The following PCSK5 variants were observed in gnomAD, a reference collection of about 807,000 sequenced individuals.
PCSK5 encodes the protein prohormone convertase 5.
In PCSK5, 129 loss-of-function variants were observed where a neutral mutation model predicts 233.2. The observed-to-expected ratio is 0.55, with a 90% CI of 0.48 to 0.64. PCSK5 has a LOEUF of 0.64. PCSK5 is among the 30% of genes least tolerant of loss of function. The pLI is 0.00. For missense variants in PCSK5, 2,076 were observed against 2,430.1 expected (o/e 0.85, Z 3.06); for synonymous variants, 825 against 879.2 (o/e 0.94, Z 1.09).
In PCSK5 at chr9:75,917,817, A is replaced by G. The variant is rs191034577; in HGVS notation, c.193-14562A>G. On this transcript the variant is annotated intron_variant, in intron 1 of 37. Transcript: ENST00000674117. ...TTGAGATACCTAAACATTTTACTTG[A>G]AAAGAGGAAGAAAAATTTAGAAATT... is the stretch of plus-strand genomic sequence containing the variant. 3.4e-3 allele frequency among the ~76,000 whole-genome samples: 511 copies of G among 152,364 alleles called. 1 individual carries two copies. The highest frequency in any genetic ancestry group is 6.0e-3 in the Admixed American group (92 of 15,310).
At chr9:75,999,312 C>A (rs976700934) in intron 3 of PCSK5, among the ~76,000 whole-genome samples, 1 of 151,868 alleles carries the variant, frequency 6.6e-6, no homozygotes, top group Non-Finnish European at 1.5e-5. Context: ...CCTAACCCAG[C>A]GGGGCTAGAG....
intron 3 of PCSK5, among the ~76,000 whole-genome samples, chr9:75,994,936 T>A (rs1826946584): frequency 1.3e-5 from 2 of 152,246 alleles, no homozygotes; most frequent in African/African-American, 4.8e-5. Context: ...ATTTGTTCTC[T>A]GCTCACCTCT....
At chr9:75,940,682 A>G (rs1268250465) in intron 2 of PCSK5, among the ~76,000 whole-genome samples, 1 of 152,194 alleles carries the variant, frequency 6.6e-6, no homozygotes, top group African/African-American at 2.4e-5. Flanking sequence ...GTACAGGAGC[A>G]CTTCCCTGTA....
At chr9:76,218,948 G>T (rs1003957398) in intron 20 of PCSK5, among the ~76,000 whole-genome samples, 1 of 152,206 alleles carries the variant, frequency 6.6e-6, no homozygotes, top group Admixed American at 6.5e-5. Flanking sequence ...CGAATCAAAT[G>T]CTTCTTCAGT....
intron 1 of PCSK5, among the ~76,000 whole-genome samples, chr9:75,916,760 GGGTCAAATAAA>G (rs1823017226): frequency 6.6e-6 from 1 of 152,086 alleles, no homozygotes; most frequent in African/African-American, 2.4e-5. Flanking sequence ...ATAGGCCCTT[GGGTCAAATAAA>G]GGCATTTTTT....
At chr9:75,921,382 A>G (rs1353098375) in intron 1 of PCSK5, among the ~76,000 whole-genome samples, 1 of 152,222 alleles carries the variant, frequency 6.6e-6, no homozygotes, top group African/African-American at 2.4e-5. Context: ...GAAAGCGAAC[A>G]TATACTGTTC....
At chr9:75,968,593 G>A (rs984133946) in intron 2 of PCSK5, among the ~76,000 whole-genome samples, 6 of 152,190 alleles carry the variant, frequency 3.9e-5, no homozygotes, top group African/African-American at 9.6e-5. Flanking sequence ...TAGAAGGTGC[G>A]AGGGTGAAAG....
At chr9:75,947,498 A>T (rs543412208) in intron 2 of PCSK5, among the ~76,000 whole-genome samples, 3 of 144,620 alleles carry the variant, frequency 2.1e-5, no homozygotes, top group South Asian at 2.2e-4. Context: ...AAGAAAAATT[A>T]AAAAAAAAAA....
At chr9:76,173,244 G>A (rs1161249659) in intron 13 of PCSK5, among the ~76,000 whole-genome samples, 1 of 152,008 alleles carries the variant, frequency 6.6e-6, no homozygotes, top group Non-Finnish European at 1.5e-5. Context: ...ATCAAACATC[G>A]ATTTGTTGGT....
At chr9:75,989,823 T>C (rs1326739692) in intron 3 of PCSK5, among the ~76,000 whole-genome samples, 1 of 152,094 alleles carries the variant, frequency 6.6e-6, no homozygotes, top group Non-Finnish European at 1.5e-5. Flanking sequence ...CTTATTTCTG[T>C]AGTTTTCTAT....
intron 5 of PCSK5, among the ~76,000 whole-genome samples, chr9:76,062,638 T>C (rs1830068704): frequency 6.6e-6 from 1 of 152,222 alleles, no homozygotes; most frequent in Admixed American, 6.5e-5. Context: ...TTTAATTGTT[T>C]ATAGTACTAT....
intron 9 of PCSK5, among the ~76,000 whole-genome samples, chr9:76,120,967 T>C (rs760715371): frequency 3.3e-5 from 5 of 152,134 alleles, no homozygotes; most frequent in Non-Finnish European, 5.9e-5. Context: ...TTAAGTGAAC[T>C]TAGGTATATG....
At chr9:76,345,523 A>T (rs1226354120) in intron 35 of PCSK5, among the ~76,000 whole-genome samples, 2 of 152,078 alleles carry the variant, frequency 1.3e-5, no homozygotes, top group African/African-American at 4.8e-5. Flanking sequence ...GGTTCACGCT[A>T]TTCTCCTGAC....
chr9:76,314,663 G>T (rs1357380259), intron 30 of PCSK5, among the ~76,000 whole-genome samples: 1 of 152,038 alleles, frequency 6.6e-6, no homozygotes, highest in Non-Finnish European at 1.5e-5. Context: ...TTGAGACCAA[G>T]TCTCTCCCTG....
At chr9:75,928,830 A>G (rs952706936) in intron 1 of PCSK5, among the ~76,000 whole-genome samples, 2 of 151,658 alleles carry the variant, frequency 1.3e-5, no homozygotes, top group Admixed American at 6.6e-5. Flanking sequence ...TTTTTGCTGA[A>G]ATTAGCCTTA....
intron 24 of PCSK5, among the ~76,000 whole-genome samples, chr9:76,274,127 T>C (rs1276473030): frequency 6.6e-6 from 1 of 152,046 alleles, no homozygotes; most frequent in Non-Finnish European, 1.5e-5. Context: ...TTTTTTAGCT[T>C]TTATTGCCTC....
chr9:76,218,579 G>T lies in PCSK5; in HGVS notation c.2627-8924G>T, dbSNP rs538710493. 1.5e-4 allele frequency among the ~76,000 whole-genome samples: 22 copies of T among 149,536 alleles called. No homozygotes were observed. In the South Asian group the frequency reaches 4.2e-3, roughly 28 times the overall value. The stretch of plus-strand genomic sequence containing the variant: ...TATTTAATGAGATAACACAATTAAA[G>T]AAACAGAATCATAACTAACCTCTGT... On this transcript the variant is annotated intron_variant, in intron 20 of 37. Transcript: ENST00000674117.
chr9:76,342,874 C>G (rs187773872), intron 35 of PCSK5, among the ~76,000 whole-genome samples: 10 of 152,284 alleles, frequency 6.6e-5, no homozygotes, highest in East Asian at 1.9e-4. Flanking sequence ...CTCCCCCTCT[C>G]TCAATCCCCA....
At chr9:75,919,479 G>A (rs1564081555) in intron 1 of PCSK5, among the ~76,000 whole-genome samples, 1 of 152,142 alleles carries the variant, frequency 6.6e-6, no homozygotes, top group Non-Finnish European at 1.5e-5. Context: ...CTTAGGAGTA[G>A]GATTTCTGGG....
Sources: allele counts gnomAD v4.1 joint callset (sites outside exome capture counted in the v4.1 genomes callset), GRCh38; gene constraint gnomAD v4.1.1; transcripts MANE v1.5; gene names NCBI Gene and HGNC (gene_info 2026-07-23, HGNC 2026-07-21).